TERF2: variants seen among roughly 807,000 people sequenced by gnomAD.
TERF2 encodes the protein telomeric repeat-binding factor 2.
Under a neutral mutation model 56.1 loss-of-function variants are expected in TERF2, and 16 were observed. The ratio of observed to expected loss-of-function variants is 0.29; its 90% CI spans 0.19 to 0.43. TERF2 has a LOEUF of 0.43. TERF2 is among the 20% of genes least tolerant of loss of function. The pLI, the probability that TERF2 is intolerant of heterozygous loss-of-function variation, is 1.00. For missense variants in TERF2, 547 were observed against 712.9 expected (o/e 0.77, Z 2.65); for synonymous variants, 296 against 282.1 (o/e 1.05, Z -0.50).
intron 8 of TERF2, among the ~76,000 whole-genome samples, chr16:69,360,431 T>G (rs1344515368): frequency 1.3e-5 from 2 of 151,218 alleles, no homozygotes; most frequent in Non-Finnish European, 2.9e-5. Context: ...GGGTATGGTA[T>G]GGTGGCTCAC....
intron 8 of TERF2, 173 bp from the exon 9 acceptor site, chr16:69,357,734 C>G (rs1467627986): frequency 1.3e-5 from 3 of 238,126 alleles, no homozygotes; most frequent in African/African-American, 7.0e-5. Flanking sequence ...TTGCAAACAC[C>G]AGTCACTTCA....
chr16:69,375,278 T>C (rs1246418009), intron 3 of TERF2, among the ~76,000 whole-genome samples: 2 of 152,178 alleles, frequency 1.3e-5, no homozygotes, highest in African/African-American at 4.8e-5. Context: ...AAGAATAGGA[T>C]TGCATGGTCT....
intron 3 of TERF2, among the ~76,000 whole-genome samples, chr16:69,377,799 G>T (rs1307260007): frequency 1.3e-5 from 2 of 151,258 alleles, no homozygotes; most frequent in Non-Finnish European, 2.9e-5. Flanking sequence ...GTTTTCATGT[G>T]ATGTATGACT....
chr16:69,376,555 T>C (rs2013791011), intron 3 of TERF2, among the ~76,000 whole-genome samples: 1 of 151,976 alleles, frequency 6.6e-6, no homozygotes, highest in African/African-American at 2.4e-5. Context: ...CTATAGAAAA[T>C]CCTGCTGAGG....
intron 3 of TERF2, among the ~76,000 whole-genome samples, chr16:69,375,254 T>C (rs933217689): frequency 6.6e-6 from 1 of 152,210 alleles, no homozygotes; most frequent in South Asian, 2.1e-4. Context: ...CTCATTTCTC[T>C]AAGGTAAATA....
Position 69,359,303 on chromosome 16 carries a change from G to A in TERF2, c.1427-1742C>T, listed in dbSNP as rs140725846. On this transcript the variant is annotated intron_variant, in intron 8 of 9. Coordinates refer to ENST00000254942, the MANE Select transcript of TERF2 (RefSeq NM_005652.5). ...AGCACTTTGGGAGGCCAAGGCGGGCGGATCACTTGAGGTCAGGAGTTCGAG... is the reference window on the plus strand; with the variant it reads ...AGCACTTTGGGAGGCCAAGGCGGGCAGATCACTTGAGGTCAGGAGTTCGAG... 1.7e-4 allele frequency among the ~76,000 whole-genome samples: 26 copies of A among 152,214 alleles called. No individual in the cohort carries two copies. The East Asian group carries it at 1.7e-3, about 10-fold the overall frequency.
intron 7 of TERF2, 53 bp from the exon 8 acceptor site, chr16:69,361,542 T>G: frequency 1.5e-6 from 2 of 1,290,956 alleles, no homozygotes; most frequent in Non-Finnish European, 2.3e-6. Flanking sequence ...CCCTGGATTG[T>G]CCCAGATTCT....
At chr16:69,378,727 TA>T (rs1457949300) in intron 3 of TERF2, among the ~76,000 whole-genome samples, 23 of 152,294 alleles carry the variant, frequency 1.5e-4, no homozygotes, top group African/African-American at 5.5e-4. Flanking sequence ...AATCCTCAGA[TA>T]GCTACTCCAT....
At chr16:69,375,195 T>C (rs2013734065) in intron 3 of TERF2, among the ~76,000 whole-genome samples, 1 of 152,222 alleles carries the variant, frequency 6.6e-6, no homozygotes, top group Non-Finnish European at 1.5e-5. Flanking sequence ...TTTATGGTTA[T>C]TATAAATAGA....
At chr16:69,374,282 C>T (rs2013685820) in intron 3 of TERF2, among the ~76,000 whole-genome samples, 1 of 152,090 alleles carries the variant, frequency 6.6e-6, no homozygotes, top group Non-Finnish European at 1.5e-5. Context: ...CCTGTATCAT[C>T]CACTACAATG....
At chr16:69,378,007 T>C (rs1385996824) in intron 3 of TERF2, among the ~76,000 whole-genome samples, 1 of 152,222 alleles carries the variant, frequency 6.6e-6, no homozygotes, top group Non-Finnish European at 1.5e-5. Context: ...AGCATTCCAA[T>C]TTTTACCATT....
intron 3 of TERF2, among the ~76,000 whole-genome samples, chr16:69,379,288 T>G (rs2013908690): frequency 6.6e-6 from 1 of 152,216 alleles, no homozygotes; most frequent in Non-Finnish European, 1.5e-5. Context: ...CAAATATTTT[T>G]GTTTCAAATG....
chr16:69,361,455 C>T lies in TERF2; in HGVS notation c.1375G>A (p.Val459Ile), dbSNP rs781201377. 14 of 1,613,956 alleles carry T rather than the reference C, an allele frequency of 8.7e-6. No homozygotes were observed. The Admixed American group carries it at 1.3e-4, about 15-fold the overall frequency. Reference protein sequence around the residue: ...PKGKWNSSNGVEEKETWVEED... With the variant: ...PKGKWNSSNGIEEKETWVEED... ...TCCACCCAAGTCTCCTTTTCTTCAACCCCATTAGAGCTGTTCCACTTGCCT... is the reference window on the plus strand; with the variant it reads ...TCCACCCAAGTCTCCTTTTCTTCAATCCCATTAGAGCTGTTCCACTTGCCT... The change falls in exon 8 of 10, where the codon GTT becomes ATT. Residue 459 changes from valine to isoleucine, a missense_variant. By Grantham distance (29) the Val-to-Ile change is conservative. Around this residue, in one of 6 missense-constraint regions of TERF2, gnomAD observed 211 missense variants for 236.8 expected, o/e 0.89. Coordinates refer to ENST00000254942, the MANE Select transcript of TERF2 (RefSeq NM_005652.5).
chr16:69,370,299 G>C (rs2013517761), intron 5 of TERF2, 184 bp downstream of exon 5: 1 of 782,232 alleles, frequency 1.3e-6, no homozygotes, highest in African/African-American at 1.8e-5. Flanking sequence ...CCAAAGTGCT[G>C]GGATTACAGG....
rs2012886096 is a variant in TERF2, at chr16:69,356,127, T to G, written c.*771A>C. 1 of 440,912 alleles carries G rather than the reference T, an allele frequency of 2.3e-6. No individual in the cohort carries two copies. Among genetic ancestry groups the G allele is most frequent in the Non-Finnish European group, 4.5e-6 (1 of 220,690 alleles). The allele number at this position is 440,912 out of a possible 1,614,324, so 27.3% of individuals were successfully genotyped here. A position where few individuals can be genotyped will look rare whatever the true frequency, so the allele number is the denominator to read the frequency against. On this transcript the variant is annotated 3_prime_UTR_variant, in exon 10 of 10. Transcript: ENST00000254942. ...GGACTGGTCTGTCATCAACCTGGGT[T>G]CATAACAGACTAAGTTCCTTTGCAT...
chr16:69,360,728 G>C (rs1463684426), intron 8 of TERF2, among the ~76,000 whole-genome samples: 1 of 144,522 alleles, frequency 6.9e-6, no homozygotes, highest in Non-Finnish European at 1.5e-5. Flanking sequence ...AAAAAAAAAG[G>C]ATTTATATAT....
chr16:69,367,344 A>T, intron 6 of TERF2, 145 bp from the exon 7 acceptor site: 2 of 891,272 alleles, frequency 2.2e-6, no homozygotes, highest in Non-Finnish European at 1.7e-6. Context: ...TGAATTTAAA[A>T]CTCCAAGTTA....
At chr16:69,375,228 C>G (rs1046766075) in intron 3 of TERF2, among the ~76,000 whole-genome samples, 1 of 152,168 alleles carries the variant, frequency 6.6e-6, no homozygotes, top group Non-Finnish European at 1.5e-5. Flanking sequence ...GTCTCATTTA[C>G]TCTAAGGTAA....
At chr16:69,364,020 G>C (rs989668910) in intron 7 of TERF2, among the ~76,000 whole-genome samples, 6 of 152,202 alleles carry the variant, frequency 3.9e-5, no homozygotes, top group Admixed American at 1.3e-4. Flanking sequence ...AAAGAATATG[G>C]AACAGACAGA....
Sources: gnomAD v4.1 joint callset for allele counts (sites outside exome capture counted in the v4.1 genomes callset) on GRCh38, gnomAD v4.1.1 for gene constraint, gnomAD v4.1.1 regional missense constraint, MANE v1.5 for transcripts, NCBI Gene and HGNC (gene_info 2026-07-23, HGNC 2026-07-21) for gene names.